The following TAF4B variants were observed in gnomAD, a reference collection of about 807,000 sequenced individuals.
TAF4B encodes the protein transcription initiation factor TFIID subunit 4B.
Under a neutral mutation model 86.4 loss-of-function variants are expected in TAF4B, and 38 were observed. The observed-to-expected ratio is 0.44, with a 90% CI of 0.34 to 0.58. The LOEUF is 0.58. Among genes scored for constraint, TAF4B ranks in the 20% least tolerant of loss-of-function variants. The probability of loss-of-function intolerance (pLI) is 0.02; values close to 1 mark genes in which losing one functional copy is unlikely to be tolerated. For missense variants in TAF4B, 988 were observed against 1,027.6 expected (o/e 0.96, Z 0.53); for synonymous variants, 388 against 391.2 (o/e 0.99, Z 0.10).
At chr18:26,227,826 A>C (rs1386034571) in intron 1 of TAF4B, among the ~76,000 whole-genome samples, 2 of 152,218 alleles carry the variant, frequency 1.3e-5, no homozygotes, top group African/African-American at 4.8e-5. Flanking sequence ...CTAACAGTGA[A>C]GTTCTTGTGT....
chr18:26,337,424 CTTT>C (rs551888808), intron 13 of TAF4B, among the ~76,000 whole-genome samples: 3 of 126,142 alleles, frequency 2.4e-5, no homozygotes, highest in Non-Finnish European at 3.3e-5. Flanking sequence ...TTCTTTCTTT[CTTT>C]TTTTTTTTTT....
At chr18:26,319,715 GT>G (rs2056945308) in intron 10 of TAF4B, among the ~76,000 whole-genome samples, 1 of 151,934 alleles carries the variant, frequency 6.6e-6, no homozygotes. Flanking sequence ...TCAACCTCTC[GT>G]GTAGCTCGGA....
Position 26,285,970 on chromosome 18 carries a change from T to C in TAF4B, c.1061T>C (p.Ile354Thr), listed in dbSNP as rs1388910163. Residue 354 changes from isoleucine (I) to threonine (T), a missense_variant, in exon 7 of 15, where the codon ATT (isoleucine) becomes ACT (threonine). Physicochemically the swap from Ile to Thr is moderately conservative, Grantham distance 89. Coordinates refer to ENST00000269142, the MANE Select transcript of TAF4B (RefSeq NM_005640.3). ...CVQQTSSDMV[I>T]ATCTTTVTTS... ...CAGCAGACTTCTAGTGACATGGTCA[T>C]TGCTACCTGTACTACAACAGTAACA... 1.9e-6 allele frequency: 3 copies of C among 1,614,092 alleles called. No homozygotes were observed. Among genetic ancestry groups the C allele is most frequent in the African/African-American group, 2.7e-5 (2 of 74,930 alleles).
intron 14 of TAF4B, among the ~76,000 whole-genome samples, chr18:26,387,137 C>T (rs1018532584): frequency 6.6e-5 from 10 of 152,136 alleles, no homozygotes; most frequent in African/African-American, 1.4e-4. Flanking sequence ...ATGATCTTGG[C>T]TCACTTCAAC....
At chr18:26,238,049 A>G (rs530585260) in intron 1 of TAF4B, among the ~76,000 whole-genome samples, 19 of 152,300 alleles carry the variant, frequency 1.2e-4, no homozygotes, top group Non-Finnish European at 2.4e-4. Flanking sequence ...TTTTCCTCCT[A>G]GACCACAAAG....
At position 26,258,227 on chromosome 18, in the gene TAF4B, C is replaced by G. The variant is rs891031511; in HGVS notation, c.344-6943C>G. On this transcript the variant is annotated intron_variant, in intron 1 of 14. Coordinates refer to ENST00000269142, the MANE Select transcript of TAF4B (RefSeq NM_005640.3). ...TGAGATCGCACCACTGCACTCAAGC[C>G]TGGTGACAGAGCGAGACTCCATCTC... Among the ~76,000 whole-genome samples the G allele has an allele frequency of 3.3e-5, 5 of 149,386 alleles. No homozygotes were observed. The Admixed American group carries it at 3.4e-4, about 10-fold the overall frequency.
At chr18:26,316,070 G>T (rs1190510634) in intron 10 of TAF4B, among the ~76,000 whole-genome samples, 1 of 151,652 alleles carries the variant, frequency 6.6e-6, no homozygotes, top group African/African-American at 2.4e-5. Context: ...CAGGTGTGGT[G>T]GGGGTGCGCC....
At chr18:26,347,141 G>A (rs1280592496) in intron 13 of TAF4B, among the ~76,000 whole-genome samples, 2 of 151,020 alleles carry the variant, frequency 1.3e-5, no homozygotes. Flanking sequence ...AGGATGGTCT[G>A]GATCTCCTGA....
At chr18:26,231,034 C>CTTT (rs536863843) in intron 1 of TAF4B, among the ~76,000 whole-genome samples, 3,315 of 65,548 alleles carry the variant, frequency 0.051, 65 homozygotes, top group Non-Finnish European at 0.063. Context: ...TGTTGTTTTG[C>CTTT]TTTTTTTTTT....
intron 1 of TAF4B, among the ~76,000 whole-genome samples, chr18:26,249,194 C>G (rs1020593272): frequency 1.3e-5 from 2 of 150,392 alleles, no homozygotes; most frequent in African/African-American, 4.9e-5. Context: ...AAAAGAGGAA[C>G]CTGGCTGGGT....
At chr18:26,353,699 C>G (rs1420319994) in intron 13 of TAF4B, among the ~76,000 whole-genome samples, 2 of 152,224 alleles carry the variant, frequency 1.3e-5, no homozygotes, top group Non-Finnish European at 2.9e-5. Context: ...GGCAAAGAAA[C>G]TTGCTTTTAC....
At chr18:26,346,763 ATATATATATATGTGTGTG>A (rs2057185119) in intron 13 of TAF4B, among the ~76,000 whole-genome samples, 1 of 27,756 alleles carries the variant, frequency 3.6e-5, no homozygotes, top group African/African-American at 8.9e-5. Flanking sequence ...ATGTGTGTAT[ATATATATATATGTGTGTG>A]TATATATATA....
At chr18:26,230,295 G>A (rs538424992) in intron 1 of TAF4B, among the ~76,000 whole-genome samples, 3 of 152,284 alleles carry the variant, frequency 2.0e-5, no homozygotes, top group East Asian at 3.9e-4. Context: ...GAAGCAGTGA[G>A]GTCCCTTTTC....
At chr18:26,272,405 A>G (rs2056331690) in intron 3 of TAF4B, among the ~76,000 whole-genome samples, 1 of 152,150 alleles carries the variant, frequency 6.6e-6, no homozygotes, top group Non-Finnish European at 1.5e-5. Context: ...CGCCCGCGGC[A>G]CAGGGGTTGG....
intron 6 of TAF4B, among the ~76,000 whole-genome samples, chr18:26,284,875 A>G (rs1361952874): frequency 6.6e-6 from 1 of 152,224 alleles, no homozygotes; most frequent in African/African-American, 2.4e-5. Flanking sequence ...TCTCAATAAG[A>G]AAAAAGAAAA....
chr18:26,321,768 C>A (rs1417119629), intron 11 of TAF4B, among the ~76,000 whole-genome samples: 1 of 152,052 alleles, frequency 6.6e-6, no homozygotes. Flanking sequence ...TAGCAGAAAT[C>A]CTGAAAACAA....
chr18:26,284,442 G>A (rs1336810834), intron 6 of TAF4B, among the ~76,000 whole-genome samples: 1 of 152,212 alleles, frequency 6.6e-6, no homozygotes, highest in African/African-American at 2.4e-5. Flanking sequence ...CGACTTGGCT[G>A]TTTGGCACAA....
chr18:26,241,235 G>A (rs2055833868), intron 1 of TAF4B, among the ~76,000 whole-genome samples: 2 of 152,132 alleles, frequency 1.3e-5, no homozygotes, highest in Non-Finnish European at 1.5e-5. Context: ...TGGTTGGTAG[G>A]CTATTAATTA....
chr18:26,348,388 T>G (rs2057217820), intron 13 of TAF4B: 1 of 152,584 alleles, frequency 6.6e-6, no homozygotes, highest in Non-Finnish European at 1.5e-5. Flanking sequence ...ATGAATAGAA[T>G]GAATGTGACA....
Sources: gnomAD v4.1 joint callset for allele counts (sites outside exome capture counted in the v4.1 genomes callset) on GRCh38, gnomAD v4.1.1 for gene constraint, MANE v1.5 for transcripts, NCBI Gene and HGNC (gene_info 2026-07-23, HGNC 2026-07-21) for gene names.